The following PARP15 variants were observed in gnomAD, a reference collection of about 807,000 sequenced individuals.
The protein encoded by PARP15 is poly(ADP-ribose) polymerase family member 15, also known as protein mono-ADP-ribosyltransferase PARP15.
A neutral mutation model predicts 62.1 loss-of-function variants in PARP15; 50 were observed. That is an observed-to-expected ratio of 0.81 (90% CI 0.64 to 1.02). The LOEUF is 1.02. Ranked by LOEUF, PARP15 falls within the 50% of genes least tolerant of loss-of-function variation. The pLI is 0.00. For missense variants in PARP15, 820 were observed against 826.5 expected (o/e 0.99, Z 0.10); for synonymous variants, 309 against 293.1 (o/e 1.05, Z -0.55).
chr3:122,605,650 C>T (rs1420980145), intron 1 of PARP15, among the ~76,000 whole-genome samples: 2 of 152,106 alleles, frequency 1.3e-5, no homozygotes, highest in Admixed American at 6.5e-5. Flanking sequence ...CATGGCTCAC[C>T]GCCACCTTGA....
intron 1 of PARP15, among the ~76,000 whole-genome samples, chr3:122,587,608 A>G (rs1430277841): frequency 6.6e-6 from 1 of 152,154 alleles, no homozygotes; most frequent in Non-Finnish European, 1.5e-5. Flanking sequence ...CACTTACTGC[A>G]GCCGCAACCT....
At chr3:122,601,223 C>T (rs745343520) in intron 1 of PARP15, among the ~76,000 whole-genome samples, 11 of 151,796 alleles carry the variant, frequency 7.2e-5, no homozygotes, top group Non-Finnish European at 1.5e-4. Flanking sequence ...GGGGTTTCAC[C>T]ATGTTGGCCA....
At position 122,613,306 on chromosome 3, in the gene PARP15, T is replaced by C. The variant is rs867792346; in HGVS notation, c.771+38T>C. The C allele has an allele frequency of 3.4e-6, 5 of 1,456,140 alleles. No individual in the cohort carries two copies. In the African/African-American group the frequency reaches 4.2e-5, roughly 12 times the overall value. 90.2% of individuals were successfully genotyped at this position (1,456,140 alleles called of 1,614,324 possible). A position where few individuals can be genotyped will look rare whatever the true frequency, so the allele number is the denominator to read the frequency against. ...ATCCCATCTGGTTAATTCTGGCAAGTGAACCCAAGCGCATTCAGATGTTTT... is the reference window on the plus strand; with the variant it reads ...ATCCCATCTGGTTAATTCTGGCAAGCGAACCCAAGCGCATTCAGATGTTTT... On this transcript the variant is annotated intron_variant, in intron 4 of 11. Coordinates refer to ENST00000464300, the MANE Select transcript of PARP15 (RefSeq NM_001113523.3).
At chr3:122,619,376 C>T (rs969116802) in intron 6 of PARP15, among the ~76,000 whole-genome samples, 1 of 152,168 alleles carries the variant, frequency 6.6e-6, no homozygotes, top group African/African-American at 2.4e-5. Flanking sequence ...CTGAGCAGGG[C>T]AGGGAATCAA....
intron 1 of PARP15, among the ~76,000 whole-genome samples, chr3:122,601,771 C>T (rs2107511470): frequency 6.6e-6 from 1 of 152,298 alleles, no homozygotes; most frequent in East Asian, 1.9e-4. Context: ...CAAAAGTTTT[C>T]AATTTATTTG....
intron 1 of PARP15, among the ~76,000 whole-genome samples, chr3:122,578,187 TTTTG>T (rs917335216): frequency 1.3e-5 from 2 of 152,078 alleles, no homozygotes; most frequent in African/African-American, 4.8e-5. Context: ...TATGGGGGGC[TTTTG>T]TTTCTCTTTG....
chr3:122,595,399 G>A (rs1260296263), intron 1 of PARP15, among the ~76,000 whole-genome samples: 1 of 151,758 alleles, frequency 6.6e-6, no homozygotes, highest in East Asian at 1.9e-4. Context: ...TCTCCACTTT[G>A]CTGGACTCAA....
intron 2 of PARP15, among the ~76,000 whole-genome samples, chr3:122,607,700 G>A (rs574766115): frequency 2.0e-5 from 3 of 152,220 alleles, no homozygotes; most frequent in Non-Finnish European, 4.4e-5. Flanking sequence ...TATAAATTTC[G>A]TGTCAACTCA....
At chr3:122,586,668 C>T (rs1933454627) in intron 1 of PARP15, among the ~76,000 whole-genome samples, 1 of 152,040 alleles carries the variant, frequency 6.6e-6, no homozygotes. Context: ...GTTTTAGGTT[C>T]CCAGCACAAT....
Position 122,606,012 on chromosome 3 carries a change from G to T in PARP15, c.263G>T (p.Gly88Val). Residue 88 changes from glycine (G) to valine (V), a missense_variant, in exon 2 of 12, where the codon GGT (glycine) becomes GTT (valine). This residue lies in a region of PARP15 where 731 missense variants were observed against 727.7 expected (regional missense o/e 1.00). Transcript: ENST00000464300. ...NVVASIQTKE[G>V]LNLKLISGDV... is the part of the protein sequence containing the mutation. ...GTAGCTTCAATCCAAACCAAAGAAG[G>T]TCTGAATCTCAAGTTGATAAGTGGA... is the stretch of plus-strand genomic sequence containing the variant. 6.4e-7 allele frequency: 1 copy of T among 1,552,062 alleles called. No homozygotes were observed. Among genetic ancestry groups the T allele is most frequent in the Non-Finnish European group, 8.7e-7 (1 of 1,146,978 alleles).
rs763857788 is a variant in PARP15, at chr3:122,613,181, C to T, written c.684C>T (p.Phe228=). The part of the protein sequence containing the change: ...VFAKLILSEV[F]EYSSSTRPIT... The stretch of plus-strand genomic sequence containing the variant: ...CTAAACTAATCCTTTCAGAAGTGTT[C>T]GAATACAGTAGCAGCACAAGGCCGA... Residue 228 remains phenylalanine (F), a synonymous_variant, in exon 4 of 12, where the codon TTC becomes TTT. Coordinates refer to ENST00000464300, the MANE Select transcript of PARP15 (RefSeq NM_001113523.3). 5.2e-6 allele frequency: 8 copies of T among 1,551,554 alleles called. No homozygotes were observed. The highest frequency in any genetic ancestry group is 3.9e-5 in the Admixed American group (2 of 50,986).
chr3:122,622,934 A>T (rs1465423067), intron 8 of PARP15, among the ~76,000 whole-genome samples: 3 of 152,122 alleles, frequency 2.0e-5, no homozygotes, highest in Non-Finnish European at 4.4e-5. Context: ...CACCACCATC[A>T]TTTTAGCTCA....
intron 4 of PARP15, chr3:122,615,295 G>C: frequency 7.8e-7 from 1 of 1,289,664 alleles, no homozygotes; most frequent in South Asian, 1.2e-5. Flanking sequence ...GGAGGCTTTG[G>C]CTGGACCTAA....
At chr3:122,582,069 C>T (rs6768261) in intron 1 of PARP15, among the ~76,000 whole-genome samples, 9,363 of 152,230 alleles carry the variant, frequency 0.062, 922 homozygotes, top group African/African-American at 0.21. Flanking sequence ...GTTGTTCTCT[C>T]TGAAAACCTT....
rs1022766765 is a variant in PARP15, at chr3:122,610,478, T to G, written c.307-16T>G. ...TATTATTGATTCAATCTCTAACTGT[T>G]GCTATTTTCGTTAAGGCCGATGTCA... On this transcript the variant is annotated splice_polypyrimidine_tract_variant and intron_variant, in intron 2 of 11. Coordinates refer to ENST00000464300, the MANE Select transcript of PARP15 (RefSeq NM_001113523.3). The G allele has an allele frequency of 2.9e-5, 45 of 1,537,562 alleles. No individual in the cohort carries two copies. Among genetic ancestry groups the G allele is most frequent in the Non-Finnish European group, 3.9e-5 (44 of 1,136,460 alleles).
intron 1 of PARP15, among the ~76,000 whole-genome samples, chr3:122,587,431 T>G (rs996594306): frequency 5.3e-5 from 8 of 152,254 alleles, no homozygotes; most frequent in African/African-American, 1.4e-4. Flanking sequence ...TGAGTGTTCC[T>G]GTTGCTCCAC....
intron 1 of PARP15, among the ~76,000 whole-genome samples, chr3:122,590,175 C>T (rs1000738621): frequency 7.5e-5 from 11 of 145,900 alleles, no homozygotes; most frequent in African/African-American, 2.0e-4. Flanking sequence ...CATGGGCCAC[C>T]GCACCCGGCC....
Position 122,597,516 on chromosome 3 carries a change from C to G in PARP15, c.187-8420C>G, listed in dbSNP as rs1934450064. Among the ~76,000 whole-genome samples the G allele has an allele frequency of 3.9e-5, 6 of 152,270 alleles. No homozygotes were observed. In the South Asian group the frequency reaches 1.2e-3, roughly 32 times the overall value. ...ACCGCAGGTGATCTGCCCGCCTTGG[C>G]CTCCCAAAGTGCTGGGATTACAGAT... On this transcript the variant is annotated intron_variant, in intron 1 of 11. Transcript: ENST00000464300.
At chr3:122,597,482 G>A (rs139830113) in intron 1 of PARP15, among the ~76,000 whole-genome samples, 1 of 152,026 alleles carries the variant, frequency 6.6e-6, no homozygotes, top group Non-Finnish European at 1.5e-5. Context: ...TCCTGATCTC[G>A]AACTCCCAAC....
Sources: gnomAD v4.1 joint callset for allele counts (sites outside exome capture counted in the v4.1 genomes callset) on GRCh38, gnomAD v4.1.1 for gene constraint, gnomAD v4.1.1 regional missense constraint, MANE v1.5 for transcripts, NCBI Gene and HGNC (gene_info 2026-07-23, HGNC 2026-07-21) for gene names.